The following SPATA22 variants were observed in gnomAD, a reference collection of about 807,000 sequenced individuals.
SPATA22 encodes the protein spermatogenesis associated 22, also known as spermatogenesis-associated protein 22.
SPATA22 carries 29 observed loss-of-function variants against 47.8 expected under a neutral mutation model. The ratio of observed to expected loss-of-function variants is 0.61; its 90% confidence interval spans 0.45 to 0.83. SPATA22 has a LOEUF of 0.83. SPATA22 is among the 40% of genes least tolerant of loss of function. The pLI, the probability that SPATA22 is intolerant of heterozygous loss-of-function variation, is 0.00. For synonymous variants in SPATA22, 133 were observed against 140.9 expected (o/e 0.94, Z 0.40); for missense variants, 410 against 421.7 (o/e 0.97, Z 0.24).
intron 1 of SPATA22, chr17:3,499,070 T>C: frequency 6.2e-7 from 1 of 1,614,074 alleles, no homozygotes. Context: ...CAAAAAGTAT[T>C]CGCTGCTGTT....
In SPATA22 at chr17:3,490,616, T is replaced by C. The variant is rs2073808794; in HGVS notation, c.-73-21218A>G. 6.6e-6 allele frequency among the ~76,000 whole-genome samples: 1 copy of C among 152,152 alleles called. No individual in the cohort carries two copies. The highest frequency in any genetic ancestry group is 6.5e-5 in the Admixed American group (1 of 15,278). ...CTCCAAAATCATGAAAACTGAAAATTTGCTTTTTACCATCTTTGTCTGAGG... is the reference window on the plus strand; with the variant it reads ...CTCCAAAATCATGAAAACTGAAAATCTGCTTTTTACCATCTTTGTCTGAGG... On this transcript the variant is annotated intron_variant, in intron 1 of 8. Transcript: ENST00000541913. The surrounding 1 kb of genome is among the most constrained non-coding windows in gnomAD (Gnocchi z 4.6).
chr17:3,443,043 T>A (rs1248647454), intron 8 of SPATA22, 131 bp downstream of exon 8: 2 of 642,236 alleles, frequency 3.1e-6, no homozygotes, highest in Non-Finnish European at 5.2e-6. Flanking sequence ...TAAACAACTT[T>A]CATATCAGAA....
intron 5 of SPATA22, among the ~76,000 whole-genome samples, chr17:3,457,033 T>A (rs183606549): frequency 6.6e-6 from 1 of 152,130 alleles, no homozygotes; most frequent in Non-Finnish European, 1.5e-5. Context: ...AAATTAGGTA[T>A]TGATGGGATG....
chr17:3,495,270 A>C (rs1364711638), intron 1 of SPATA22, among the ~76,000 whole-genome samples: 1 of 152,230 alleles, frequency 6.6e-6, no homozygotes, highest in African/African-American at 2.4e-5. Flanking sequence ...CAGGGCTTTC[A>C]ACCCCGACTA....
chr17:3,483,179 G>A (rs1162603335), intron 1 of SPATA22, among the ~76,000 whole-genome samples: 1 of 151,890 alleles, frequency 6.6e-6, no homozygotes, highest in Non-Finnish European at 1.5e-5. Context: ...TGTAACCAGT[G>A]ATGAAACAAA....
Position 3,498,980 on chromosome 17 carries a change from G to A in SPATA22, c.-74+14432C>T, listed in dbSNP as rs1280988827. 2.5e-6 allele frequency: 4 copies of A among 1,614,182 alleles called. No homozygotes were observed. Among genetic ancestry groups the A allele is most frequent in the Non-Finnish European group, 2.5e-6 (3 of 1,180,022 alleles). ...TCCCACTGGGCGGAGACTGTACCGT[G>A]TACCCCGTGTTTGTGAATGAGGCCG... On this transcript the variant is annotated intron_variant, in intron 1 of 8. Transcript: ENST00000541913.
At chr17:3,458,421 C>A (rs988153422) in intron 5 of SPATA22, among the ~76,000 whole-genome samples, 2 of 151,972 alleles carry the variant, frequency 1.3e-5, no homozygotes, top group Non-Finnish European at 2.9e-5. Context: ...ATGGAAGTTC[C>A]TCAAAAAATT....
chr17:3,477,496 C>G (rs1323159786), intron 1 of SPATA22, among the ~76,000 whole-genome samples: 5 of 152,056 alleles, frequency 3.3e-5, no homozygotes, highest in Non-Finnish European at 7.3e-5. Context: ...TCTTGTTGCC[C>G]AGTCTGGAGT....
rs201887670 is a variant in SPATA22 at position 3,494,392 on chromosome 17, T to C, written c.-74+19020A>G. 18 of 1,613,020 alleles carry C rather than the reference T, an allele frequency of 1.1e-5. No individual in the cohort carries two copies. Among genetic ancestry groups the C allele is most frequent in the East Asian group, 2.2e-5 (1 of 44,898 alleles). The stretch of plus-strand genomic sequence containing the variant: ...TGCGCCATTGAGGTCTATAAAATTA[T>C]AGAGAAAGTTGATTACCCCCGGGAT... On this transcript the variant is annotated intron_variant, in intron 1 of 8. Transcript: ENST00000541913.
At chr17:3,441,007 G>A (rs998676458) in intron 8 of SPATA22, 3 of 152,010 alleles carry the variant, frequency 2.0e-5, no homozygotes, top group African/African-American at 7.2e-5. Flanking sequence ...TGAAGCTTAA[G>A]GTTGGGACCC....
At chr17:3,446,366 G>T in intron 7 of SPATA22, 106 bp downstream of exon 7, 1 of 1,108,552 alleles carries the variant, frequency 9.0e-7, no homozygotes, top group Non-Finnish European at 1.3e-6. Context: ...ACTTTAGGGA[G>T]TAGCAAAAAG....
chr17:3,451,239 G>A (rs1416379263), intron 5 of SPATA22, among the ~76,000 whole-genome samples: 1 of 151,862 alleles, frequency 6.6e-6, no homozygotes, highest in Non-Finnish European at 1.5e-5. Flanking sequence ...ATGATAAATG[G>A]GTAAATTCAA....
rs11078452 is a variant in SPATA22, at chr17:3,503,447, A to T, written c.-74+9965T>A. ...TGATTTATCAGCTTTTGTACATAAGATTTACCAAGCTTCCTTCTCCTGCTG... is the reference window on the plus strand; with the variant it reads ...TGATTTATCAGCTTTTGTACATAAGTTTTACCAAGCTTCCTTCTCCTGCTG... On this transcript the variant is annotated intron_variant, in intron 1 of 8. Transcript: ENST00000541913. 147 of 152,230 alleles carry T rather than the reference A, an allele frequency of 9.7e-4. 1 individual carries two copies. Among genetic ancestry groups the T allele is most frequent in the African/African-American group, 3.5e-3 (144 of 41,482 alleles). The allele number at this position is 152,230 out of a possible 1,614,324, so 9.4% of individuals were successfully genotyped here.
At chr17:3,486,399 GATCCATGAAGA>G (rs1306155488) in intron 1 of SPATA22, among the ~76,000 whole-genome samples, 2 of 152,168 alleles carry the variant, frequency 1.3e-5, no homozygotes, top group African/African-American at 4.8e-5. Flanking sequence ...ATATGCAGAA[GATCCATGAAGA>G]ATCCTCTCTC....
At chr17:3,451,333 A>C (rs897770206) in intron 5 of SPATA22, among the ~76,000 whole-genome samples, 4 of 152,182 alleles carry the variant, frequency 2.6e-5, no homozygotes, top group African/African-American at 9.7e-5. Context: ...CAAATCTAAA[A>C]GGAAAAATTG....
At position 3,485,394 on chromosome 17, in the gene SPATA22, A is replaced by G. The variant is rs778926054; in HGVS notation, c.-73-15996T>C. ...TTCCCATGCAGGTTCTATAACTATA[A>G]CCATATATAAAATACTAGCCAACCA... On this transcript the variant is annotated intron_variant, in intron 1 of 8. Transcript: ENST00000541913. This position sits in a 1 kb window ranked among gnomAD's most constrained non-coding sequence, Gnocchi z 4.4. Among the ~76,000 whole-genome samples, 11 of 152,094 alleles carry G rather than the reference A, an allele frequency of 7.2e-5. No homozygotes were observed. Among genetic ancestry groups the G allele is most frequent in the Non-Finnish European group, 1.5e-4 (10 of 68,024 alleles).
At chr17:3,509,867 G>A (rs1051627622) in intron 1 of SPATA22, among the ~76,000 whole-genome samples, 3 of 152,036 alleles carry the variant, frequency 2.0e-5, no homozygotes, top group Non-Finnish European at 4.4e-5. Context: ...TCTGACTGGC[G>A]TGAGATGGTA....
intron 5 of SPATA22, among the ~76,000 whole-genome samples, chr17:3,449,695 T>C (rs1159169319): frequency 6.6e-6 from 1 of 152,204 alleles, no homozygotes; most frequent in Non-Finnish European, 1.5e-5. Context: ...AAAAGCCCTA[T>C]AATGTATTTG....
At chr17:3,491,150 G>A (rs1452757572) in intron 1 of SPATA22, among the ~76,000 whole-genome samples, 4 of 152,184 alleles carry the variant, frequency 2.6e-5, no homozygotes, top group Non-Finnish European at 5.9e-5. Context: ...TAAGTGACAG[G>A]TCTCAGGAAG....
Sources: allele counts gnomAD v4.1 joint callset (sites outside exome capture counted in the v4.1 genomes callset), GRCh38; gene constraint gnomAD v4.1.1; non-coding constraint Gnocchi (gnomAD v3.1); transcripts MANE v1.5; gene names NCBI Gene and HGNC (gene_info 2026-07-23, HGNC 2026-07-21).